Variants in ABCA13 observed in about 807,000 individuals in gnomAD.
ABCA13 encodes the protein ATP binding cassette subfamily A member 13, also known as ATP-binding cassette sub-family A member 13.
Under a neutral mutation model 478.7 loss-of-function variants are expected in ABCA13, and 476 were observed. The observed-to-expected ratio is 0.99, with a 90% CI of 0.92 to 1.07. ABCA13 has a LOEUF of 1.07. Ranked by LOEUF, ABCA13 falls within the 50% of genes least tolerant of loss-of-function variation. The pLI, the probability that ABCA13 is intolerant of heterozygous loss-of-function variation, is 0.00. For missense variants in ABCA13, 6,060 were observed against 5,910.6 expected, an observed-to-expected ratio of 1.03 and a Z score of -0.83; for synonymous variants, 2,252 against 2,158.9, an observed-to-expected ratio of 1.04 and a Z score of -1.20.
At chr7:48,467,137 C>A in intron 44 of ABCA13, 92 bp downstream of exon 44, 2 of 1,218,586 alleles carry the variant, frequency 1.6e-6, no homozygotes, top group Non-Finnish European at 2.4e-6. Flanking sequence ...TTGGTTATTT[C>A]ATGTCACAAG....
rs762523717 is a variant in ABCA13 at position 48,350,797 on chromosome 7, G to A, written c.10359G>A (p.Leu3453=). The A allele has an allele frequency of 6.2e-6, 10 of 1,613,622 alleles. No homozygotes were observed. In the South Asian group the frequency reaches 9.9e-5, roughly 16 times the overall value. ...TGGAGACTAAAGCACATGAACTCTTGCAGCAGAACAGCTTCTTGGCCAGTA... is the reference window on the plus strand; with the variant it reads ...TGGAGACTAAAGCACATGAACTCTTACAGCAGAACAGCTTCTTGGCCAGTA... The part of the protein sequence containing the change: ...DILETKAHEL[L]QQNSFLASII... Residue 3453 remains leucine (L), a synonymous_variant, in exon 30 of 62, where the codon TTG becomes TTA. Coordinates refer to ENST00000435803, the MANE Select transcript of ABCA13 (RefSeq NM_152701.5).
intron 31 of ABCA13, among the ~76,000 whole-genome samples, 155 bp from the exon 32 acceptor site, chr7:48,367,639 C>G (rs779274587): frequency 6.6e-6 from 1 of 152,118 alleles, no homozygotes; most frequent in Non-Finnish European, 1.5e-5. Context: ...AATCAGCACA[C>G]CAATCATGGC....
At chr7:48,266,210 G>A (rs1302331365) in intron 15 of ABCA13, among the ~76,000 whole-genome samples, 3 of 151,558 alleles carry the variant, frequency 2.0e-5, no homozygotes, top group African/African-American at 7.3e-5. Context: ...CAGTTTTTAT[G>A]AGGGGCAGTG....
At chr7:48,526,272 G>A (rs1832888519) in intron 54 of ABCA13, among the ~76,000 whole-genome samples, 1 of 152,128 alleles carries the variant, frequency 6.6e-6, no homozygotes, top group Non-Finnish European at 1.5e-5. Context: ...TGATTCTGAG[G>A]CTGCCTTTGG....
At chr7:48,252,024 A>G (rs116807144) in intron 15 of ABCA13, among the ~76,000 whole-genome samples, 77 of 152,262 alleles carry the variant, frequency 5.1e-4, no homozygotes, top group African/African-American at 1.7e-3. Context: ...GGTTTATGCT[A>G]CTTGAAGTTT....
intron 56 of ABCA13, among the ~76,000 whole-genome samples, chr7:48,586,688 C>T (rs1218106792): frequency 6.6e-6 from 1 of 152,090 alleles, no homozygotes; most frequent in African/African-American, 2.4e-5. Context: ...ACACAATATA[C>T]CCATGTAGCA....
rs904596220 is a variant in ABCA13 at position 48,192,960 on chromosome 7, T to A, written c.71T>A (p.Val24Asp). 32 of 1,514,398 alleles carry A rather than the reference T, an allele frequency of 2.1e-5. No individual in the cohort carries two copies. Among genetic ancestry groups the A allele is most frequent in the Non-Finnish European group, 2.7e-5 (31 of 1,138,014 alleles). 93.8% of individuals were successfully genotyped at this position (1,514,398 alleles called of 1,614,324 possible). A position where few individuals can be genotyped will look rare whatever the true frequency, so the allele number is the denominator to read the frequency against. ...KNWLCRLRNPVLFLAEFFWPC... is the reference protein window; with the variant it reads ...KNWLCRLRNPDLFLAEFFWPC... ...TTTTTTTTTTTTTTAATTTTCTAGG[T>A]CCTTTTCCTTGCTGAATTCTTCTGG... is the stretch of plus-strand genomic sequence containing the variant. Residue 24 changes from valine to aspartate, a missense_variant and splice_region_variant, in exon 2 of 62, where the codon GTC (valine) becomes GAC (aspartate). Val to Asp is a radical substitution (Grantham distance 152). Transcript: ENST00000435803.
At chr7:48,485,421 C>T (rs1479226109) in intron 47 of ABCA13, among the ~76,000 whole-genome samples, 1 of 151,780 alleles carries the variant, frequency 6.6e-6, no homozygotes, top group Non-Finnish European at 1.5e-5. Context: ...AGAACACAGC[C>T]TAGTTTTAGA....
intron 58 of ABCA13, among the ~76,000 whole-genome samples, chr7:48,603,492 G>A (rs1330555067): frequency 6.6e-6 from 1 of 152,060 alleles, no homozygotes; most frequent in African/African-American, 2.4e-5. Context: ...ATAATCATGT[G>A]GTTTTCGTCG....
rs75580372 is a variant in ABCA13, at chr7:48,247,922, T to A, written c.1660-317T>A. On this transcript the variant is annotated intron_variant, in intron 13 of 61. Transcript: ENST00000435803. ...AGCCTAGAGGAATTGTGGAAGGTGG[T>A]ACTGAGAGTGAGACTCTCAGGGGGT... is the stretch of plus-strand genomic sequence containing the variant. Among the ~76,000 whole-genome samples, 390 of 152,296 alleles carry A rather than the reference T, an allele frequency of 2.6e-3. 3 individuals carry two copies. The highest frequency in any genetic ancestry group is 8.3e-3 in the African/African-American group (347 of 41,574).
At chr7:48,351,350 A>G (rs1198743405) in intron 30 of ABCA13, among the ~76,000 whole-genome samples, 1 of 152,208 alleles carries the variant, frequency 6.6e-6, no homozygotes, top group Non-Finnish European at 1.5e-5. Flanking sequence ...GTTTTGTATT[A>G]GTTTCTTAAG....
chr7:48,529,357 A>T (rs1395735233), intron 55 of ABCA13, among the ~76,000 whole-genome samples: 1 of 152,132 alleles, frequency 6.6e-6, no homozygotes, highest in Non-Finnish European at 1.5e-5. Context: ...TCTAATATGG[A>T]TGTCCTCGTA....
chr7:48,397,760 A>G (rs867592406), intron 38 of ABCA13, among the ~76,000 whole-genome samples: 1 of 152,322 alleles, frequency 6.6e-6, no homozygotes. Flanking sequence ...AAAAAGCCAA[A>G]TCTCCTTCTG....
At chr7:48,395,732 A>AT (rs1816753198) in intron 38 of ABCA13, among the ~76,000 whole-genome samples, 1 of 152,054 alleles carries the variant, frequency 6.6e-6, no homozygotes, top group Admixed American at 6.5e-5. Context: ...TTTAAATAAC[A>AT]TTTTTTTCCT....
At chr7:48,410,480 T>C in intron 39 of ABCA13, 40 bp from the exon 40 acceptor site, 1 of 1,613,278 alleles carries the variant, frequency 6.2e-7, no homozygotes, top group Non-Finnish European at 8.5e-7. Context: ...CCTGGGGCCT[T>C]TGTCCTCCTG....
At position 48,248,268 on chromosome 7, in the gene ABCA13, G is replaced by A; in HGVS notation, c.1689G>A (p.Trp563Ter). The A allele has an allele frequency of 1.9e-6, 3 of 1,613,534 alleles. No homozygotes were observed. The highest frequency in any genetic ancestry group is 2.5e-6 in the Non-Finnish European group (3 of 1,179,658). The change falls in exon 14 of 62, where the codon TGG becomes TGA. Residue 563 changes from tryptophan to a stop codon, truncating the protein, a stop_gained. Transcript: ENST00000435803. LOFTEE classifies it high-confidence loss of function. ...GTATTTTGCAAGAGGTCATTACTTG[G>A]CACAAAAATATGTCAGTTTTAATAC... The part of the protein sequence containing the change: ...ADRILQEVIT[W>*]HKNMSVLIPE...
intron 56 of ABCA13, among the ~76,000 whole-genome samples, chr7:48,583,511 A>G (rs1019543024): frequency 3.9e-5 from 6 of 152,196 alleles, no homozygotes; most frequent in African/African-American, 1.4e-4. Context: ...AGTGATGTTT[A>G]TGGAAGTCCT....
At chr7:48,358,215 G>A (rs1428614026) in intron 31 of ABCA13, among the ~76,000 whole-genome samples, 1 of 112,300 alleles carries the variant, frequency 8.9e-6, no homozygotes, top group East Asian at 3.1e-4. Context: ...AAAGGAAAAA[G>A]GAAAGGAAGG....
intron 28 of ABCA13, 34 bp from the exon 29 acceptor site, chr7:48,338,331 A>T (rs1213563114): frequency 3.5e-6 from 5 of 1,440,846 alleles, no homozygotes; most frequent in Admixed American, 4.2e-5. Flanking sequence ...AAATAATGCA[A>T]TTATTTTTAT....
Sources: gnomAD v4.1 joint callset for allele counts (sites outside exome capture counted in the v4.1 genomes callset) on GRCh38, gnomAD v4.1.1 for gene constraint, MANE v1.5 for transcripts, NCBI Gene and HGNC (gene_info 2026-07-23, HGNC 2026-07-21) for gene names.